SQOR: variants seen among roughly 807,000 people sequenced by gnomAD.
The protein encoded by SQOR is sulfide:quinone oxidoreductase, mitochondrial.
Under a neutral mutation model 48.6 loss-of-function variants are expected in SQOR, and 39 were observed. The observed-to-expected ratio is 0.80, with a 90% confidence interval of 0.62 to 1.05. The LOEUF is 1.05. Ranked by LOEUF, SQOR falls within the 50% of genes least tolerant of loss-of-function variation. The probability of loss-of-function intolerance (pLI) is 0.00; values close to 1 mark genes in which losing one functional copy is unlikely to be tolerated. For missense variants in SQOR, 561 were observed against 559.9 expected (o/e 1.00, Z -0.02); for synonymous variants, 220 against 206.2 (o/e 1.07, Z -0.57).
At chr15:45,659,560 C>A (rs1889684045) in intron 2 of SQOR, among the ~76,000 whole-genome samples, 1 of 152,140 alleles carries the variant, frequency 6.6e-6, no homozygotes, top group African/African-American at 2.4e-5. Flanking sequence ...TGTCTCATGC[C>A]TCTCTCCCAG....
chr15:45,631,279 A>G (rs353098), upstream of SQOR: 3,887 of 153,934 alleles, frequency 0.025, 158 homozygotes, highest in African/African-American at 0.089. Context: ...GTATGTCTTT[A>G]TCAGCAGTGT....
At chr15:45,687,080 G>A (rs141258428) in intron 7 of SQOR, among the ~76,000 whole-genome samples, 79 of 152,112 alleles carry the variant, frequency 5.2e-4, no homozygotes, top group African/African-American at 1.6e-3. Context: ...GATTACAGGC[G>A]TAAGCCACCA....
At chr15:45,639,101 CTCTTT>C (rs1220562492) in intron 1 of SQOR, among the ~76,000 whole-genome samples, 18 of 152,232 alleles carry the variant, frequency 1.2e-4, no homozygotes, top group Admixed American at 1.2e-3. Context: ...TAGGCACCAT[CTCTTT>C]TAAGTCATGA....
intron 9 of SQOR, among the ~76,000 whole-genome samples, chr15:45,689,581 C>A (rs971600874): frequency 4.6e-5 from 7 of 151,946 alleles, no homozygotes; most frequent in Non-Finnish European, 1.0e-4. Context: ...CCACGCCTGG[C>A]TAATTTTTAT....
intron 1 of SQOR, among the ~76,000 whole-genome samples, chr15:45,650,330 G>A (rs1194939883): frequency 1.3e-5 from 2 of 152,210 alleles, no homozygotes; most frequent in African/African-American, 4.8e-5. Context: ...GAGTGTTACA[G>A]TTCTTAAAGG....
Position 45,650,527 on chromosome 15 carries a change from G to C in SQOR, c.-17-8380G>C, listed in dbSNP as rs183892333. Among the ~76,000 whole-genome samples, 5 of 152,270 alleles carry C rather than the reference G, an allele frequency of 3.3e-5. No individual in the cohort carries two copies. In the East Asian group the frequency reaches 5.8e-4, roughly 18 times the overall value. ...GAGCAACAGCAAGATTTATGGCAAAGAGCAAAAGAAGAAAGCATCCACAAC... is the reference window on the plus strand; with the variant it reads ...GAGCAACAGCAAGATTTATGGCAAACAGCAAAAGAAGAAAGCATCCACAAC... On this transcript the variant is annotated intron_variant, in intron 1 of 9. Transcript: ENST00000260324.
rs957881645 is a variant in SQOR at position 45,638,502 on chromosome 15, C to T, written c.-18+3394C>T. On this transcript the variant is annotated intron_variant, in intron 1 of 9. Coordinates refer to ENST00000260324, the MANE Select transcript of SQOR (RefSeq NM_021199.4). ...CTTTGGGAGGCCGAGGTAAGCAGAT[C>T]GCTTGAGGCTGGGAGTTTGAGGCCA... 2.0e-5 allele frequency among the ~76,000 whole-genome samples: 3 copies of T among 152,070 alleles called. No homozygotes were observed. The East Asian group carries it at 5.8e-4, about 29-fold the overall frequency.
In SQOR at chr15:45,658,442, C is replaced by G. The variant is rs183733495; in HGVS notation, c.-17-465C>G. 2.6e-5 allele frequency among the ~76,000 whole-genome samples: 4 copies of G among 152,236 alleles called. No homozygotes were observed. The East Asian group carries it at 5.8e-4, about 22-fold the overall frequency. On this transcript the variant is annotated intron_variant, in intron 1 of 9. Transcript: ENST00000260324. ...TCTGTTTCAACAAGGTCTCAGGTGCCTTTTACTGCAAGGAATGTTGTAGGT... is the reference window on the plus strand; with the variant it reads ...TCTGTTTCAACAAGGTCTCAGGTGCGTTTTACTGCAAGGAATGTTGTAGGT...
intron 4 of SQOR, among the ~76,000 whole-genome samples, chr15:45,671,240 C>T (rs1332006254): frequency 1.3e-5 from 2 of 152,146 alleles, no homozygotes; most frequent in African/African-American, 4.8e-5. Context: ...CTTGCAATTT[C>T]CATTTCCCAG....
chr15:45,678,956 T>C (rs1486424767), intron 6 of SQOR, among the ~76,000 whole-genome samples: 1 of 152,216 alleles, frequency 6.6e-6, no homozygotes, highest in Non-Finnish European at 1.5e-5. Flanking sequence ...CAAGTTGGGC[T>C]TTCACTAAAA....
chr15:45,641,943 C>T (rs1303783214), intron 1 of SQOR, among the ~76,000 whole-genome samples: 2 of 152,174 alleles, frequency 1.3e-5, no homozygotes, highest in Non-Finnish European at 2.9e-5. Context: ...ATCTCTGTTC[C>T]CATTCAGACC....
chr15:45,686,419 T>C (rs1890226379), intron 7 of SQOR, among the ~76,000 whole-genome samples: 1 of 152,338 alleles, frequency 6.6e-6, no homozygotes, highest in East Asian at 1.9e-4. Flanking sequence ...CCCAAAGTGC[T>C]GGGATTACAG....
At chr15:45,633,496 C>G (rs999033966), upstream of SQOR, among the ~76,000 whole-genome samples, 1 of 151,472 alleles carries the variant, frequency 6.6e-6, no homozygotes, top group Admixed American at 6.6e-5. Context: ...GAGTTCAAGA[C>G]CAGCCTGGCC....
chr15:45,670,996 T>A (rs897970443), intron 4 of SQOR, among the ~76,000 whole-genome samples: 1 of 152,186 alleles, frequency 6.6e-6, no homozygotes, highest in Non-Finnish European at 1.5e-5. Context: ...GTCTCCATGG[T>A]ACTGTCTTCC....
chr15:45,688,325 T>C lies in SQOR; in HGVS notation c.1049-12T>C. 1 of 1,582,300 alleles carries C rather than the reference T, an allele frequency of 6.3e-7. No individual in the cohort carries two copies. Among genetic ancestry groups the C allele is most frequent in the East Asian group, 2.2e-5 (1 of 44,630 alleles). ...TGCTTACATTTTTCTGACTTTCCCA[T>C]TTCTCTTATAGCTGCCCAGTCAGGA... On this transcript the variant is annotated splice_polypyrimidine_tract_variant and intron_variant, in intron 7 of 9. Transcript: ENST00000260324.
At chr15:45,658,640 G>A (rs1355370811) in intron 1 of SQOR, among the ~76,000 whole-genome samples, 1 of 152,198 alleles carries the variant, frequency 6.6e-6, no homozygotes, top group East Asian at 1.9e-4. Flanking sequence ...GACTTAAAGA[G>A]TTGGGGAACC....
chr15:45,639,445 G>A (rs1895067801), intron 1 of SQOR, among the ~76,000 whole-genome samples: 1 of 152,254 alleles, frequency 6.6e-6, no homozygotes, highest in African/African-American at 2.4e-5. Context: ...TTTGGCCCTA[G>A]CCCAGCCCTC....
upstream of SQOR, among the ~76,000 whole-genome samples, chr15:45,632,266 C>T (rs1894910926): frequency 6.8e-6 from 1 of 147,678 alleles, no homozygotes; most frequent in Non-Finnish European, 1.5e-5. Context: ...GTTGCCCAGG[C>T]TGGAGTGCAG....
chr15:45,659,912 C>T (rs997326245), intron 2 of SQOR, among the ~76,000 whole-genome samples: 3 of 152,196 alleles, frequency 2.0e-5, no homozygotes, highest in Non-Finnish European at 2.9e-5. Flanking sequence ...TCAATGGCCA[C>T]TGCACTTGCC....
Sources: gnomAD v4.1 joint callset for allele counts (sites outside exome capture counted in the v4.1 genomes callset) on GRCh38, gnomAD v4.1.1 for gene constraint, MANE v1.5 for transcripts, NCBI Gene and HGNC (gene_info 2026-07-23, HGNC 2026-07-21) for gene names.